CDH12: variants seen among roughly 807,000 people sequenced by gnomAD.
CDH12 encodes cadherin 12.
Under a neutral mutation model 74.1 loss-of-function variants are expected in CDH12, and 41 were observed. The observed-to-expected ratio is 0.55, with a 90% CI of 0.43 to 0.72. CDH12 has a LOEUF of 0.72. CDH12 is among the 30% of genes least tolerant of loss of function. CDH12 has a pLI of 0.00. For synonymous variants in CDH12, 399 were observed against 355.0 expected, an observed-to-expected ratio of 1.12 and a Z score of -1.39; for missense variants, 945 against 977.2, an observed-to-expected ratio of 0.97 and a Z score of 0.44.
At chr5:22,257,560 C>T (rs1424080311) in intron 3 of CDH12, among the ~76,000 whole-genome samples, 11 of 151,638 alleles carry the variant, frequency 7.3e-5, no homozygotes, top group East Asian at 1.9e-4. Context: ...CGTGCAGTGG[C>T]GCGATCTCGG....
chr5:22,292,183 G>T (rs1464575817), intron 3 of CDH12, among the ~76,000 whole-genome samples: 4 of 151,980 alleles, frequency 2.6e-5, no homozygotes, highest in Non-Finnish European at 5.9e-5. Flanking sequence ...ATCTCATACT[G>T]TATGCAAAAG....
intron 1 of CDH12, among the ~76,000 whole-genome samples, chr5:22,790,963 C>G (rs948409673): frequency 1.8e-4 from 27 of 152,132 alleles, no homozygotes; most frequent in African/African-American, 6.3e-4. Flanking sequence ...TTTCAATCTT[C>G]GATGGTACCA....
intron 6 of CDH12, among the ~76,000 whole-genome samples, chr5:21,944,020 A>G (rs538614433): frequency 1.3e-5 from 2 of 152,312 alleles, no homozygotes; most frequent in South Asian, 2.1e-4. Context: ...ATCTGTATTT[A>G]TATACCTATA....
intron 5 of CDH12, among the ~76,000 whole-genome samples, chr5:21,979,655 AG>A (rs1212227063): frequency 6.6e-6 from 1 of 152,154 alleles, no homozygotes; most frequent in African/African-American, 2.4e-5. Flanking sequence ...TATTTCCAGC[AG>A]GGATTTTATT....
intron 5 of CDH12, among the ~76,000 whole-genome samples, chr5:22,073,112 A>G (rs1450665778): frequency 6.6e-6 from 1 of 152,144 alleles, no homozygotes; most frequent in Non-Finnish European, 1.5e-5. Context: ...TATAATTGTA[A>G]TCTAGAGACC....
Position 22,270,624 on chromosome 5 carries a change from TAC to T in CDH12, c.-332-57983_-332-57982del, listed in dbSNP as rs536631650. 5.3e-3 allele frequency among the ~76,000 whole-genome samples: 791 copies of T among 150,604 alleles called. 10 individuals carry two copies. Among genetic ancestry groups the T allele is most frequent in the African/African-American group, 0.016 (666 of 41,124 alleles). ...AAAAAAATATATATATATATATGTA[TAC>T]ACACACACACACATCTATATATATA... On this transcript the variant is annotated intron_variant, in intron 3 of 14. Coordinates refer to ENST00000382254, the MANE Select transcript of CDH12 (RefSeq NM_004061.5).
intron 1 of CDH12, among the ~76,000 whole-genome samples, chr5:22,824,528 A>T (rs1331481444): frequency 2.0e-5 from 3 of 152,110 alleles, no homozygotes; most frequent in African/African-American, 7.2e-5. Context: ...AAAACCTTGT[A>T]TTTCTCAGGA....
intron 1 of CDH12, among the ~76,000 whole-genome samples, chr5:22,527,860 C>G (rs1044445889): frequency 6.6e-6 from 1 of 152,114 alleles, no homozygotes. Context: ...CCAAATAGAG[C>G]CTTTTTGAAC....
chr5:22,368,129 T>C (rs1023028867), intron 3 of CDH12, among the ~76,000 whole-genome samples: 5 of 152,218 alleles, frequency 3.3e-5, no homozygotes, highest in Middle Eastern at 3.4e-3. Context: ...AAACTAAATA[T>C]ATATTCATTA....
chr5:22,235,821 C>T (rs866184979), intron 3 of CDH12, among the ~76,000 whole-genome samples: 2 of 152,136 alleles, frequency 1.3e-5, no homozygotes, highest in South Asian at 4.1e-4. Flanking sequence ...GTTCTGAGAA[C>T]TTCATCGTTA....
rs1752474435 is a variant in CDH12, at chr5:22,233,887, T to C, written c.-332-21244A>G. On this transcript the variant is annotated intron_variant, in intron 3 of 14. Transcript: ENST00000382254. ...TGCCCACCTTGACGTGCCACCCAAG[T>C]GACAGGATTCCACTAATAGAAATAA... Among the ~76,000 whole-genome samples the C allele has an allele frequency of 2.6e-5, 4 of 152,160 alleles. No individual in the cohort carries two copies. The South Asian group carries it at 8.3e-4, about 32-fold the overall frequency.
intron 2 of CDH12, among the ~76,000 whole-genome samples, chr5:22,449,796 C>T (rs1744972111): frequency 6.6e-6 from 1 of 151,922 alleles, no homozygotes; most frequent in Non-Finnish European, 1.5e-5. Context: ...ATATAAATTA[C>T]TTCTGCATAA....
At chr5:22,192,995 A>G (rs1010534648) in intron 4 of CDH12, among the ~76,000 whole-genome samples, 1 of 152,166 alleles carries the variant, frequency 6.6e-6, no homozygotes. Flanking sequence ...TCGGAAAAAA[A>G]CTGAGATTTG....
At chr5:22,849,051 A>G (rs1018800174) in intron 1 of CDH12, among the ~76,000 whole-genome samples, 2 of 152,120 alleles carry the variant, frequency 1.3e-5, no homozygotes, top group African/African-American at 2.4e-5. Flanking sequence ...AATTCAACAC[A>G]TAACAAACCC....
At chr5:22,269,082 C>T (rs1427885452) in intron 3 of CDH12, among the ~76,000 whole-genome samples, 2 of 152,000 alleles carry the variant, frequency 1.3e-5, no homozygotes, top group African/African-American at 4.8e-5. Context: ...AAATAGAAGT[C>T]ATGATAATAT....
chr5:22,438,111 A>C (rs1225657733), intron 2 of CDH12, among the ~76,000 whole-genome samples: 1 of 152,008 alleles, frequency 6.6e-6, no homozygotes, highest in African/African-American at 2.4e-5. Flanking sequence ...GAAACGTCTT[A>C]ACCTCCATTC....
intron 6 of CDH12, among the ~76,000 whole-genome samples, chr5:21,866,282 G>A (rs1373151154): frequency 2.0e-5 from 3 of 152,192 alleles, no homozygotes; most frequent in Admixed American, 6.5e-5. Context: ...ATGTGGAAGC[G>A]ACTTTGGAAC....
At chr5:22,592,232 T>C (rs1736367052) in intron 1 of CDH12, among the ~76,000 whole-genome samples, 2 of 152,208 alleles carry the variant, frequency 1.3e-5, no homozygotes, top group South Asian at 4.1e-4. Context: ...TTCTGAATAA[T>C]CACTGTTGTG....
At chr5:22,836,960 C>A (rs538480267) in intron 1 of CDH12, among the ~76,000 whole-genome samples, 3 of 152,274 alleles carry the variant, frequency 2.0e-5, no homozygotes, top group African/African-American at 7.2e-5. Context: ...AGAAGAATAT[C>A]ATATAAAGTC....
Sources: allele counts gnomAD v4.1 joint callset (sites outside exome capture counted in the v4.1 genomes callset), GRCh38; gene constraint gnomAD v4.1.1; transcripts MANE v1.5; gene names NCBI Gene and HGNC (gene_info 2026-07-23, HGNC 2026-07-21).